Variants in MRTFB observed in about 807,000 individuals in gnomAD.
The protein encoded by MRTFB is myocardin related transcription factor B.
MRTFB carries 29 observed loss-of-function variants against 104.2 expected under a neutral mutation model. The ratio of observed to expected loss-of-function variants is 0.28; its 90% CI spans 0.21 to 0.38. The LOEUF is 0.38. Ranked by LOEUF, MRTFB falls within the 10% of genes least tolerant of loss-of-function variation. The probability of loss-of-function intolerance (pLI) is 1.00; values close to 1 mark genes in which losing one functional copy is unlikely to be tolerated. For missense variants in MRTFB, 1,270 were observed against 1,341.6 expected (o/e 0.95, Z 0.83); for synonymous variants, 535 against 519.5 (o/e 1.03, Z -0.41).
intron 2 of MRTFB, among the ~76,000 whole-genome samples, chr16:14,137,568 T>C (rs1024335459): frequency 4.6e-5 from 7 of 152,178 alleles, no homozygotes; most frequent in Non-Finnish European, 7.4e-5. Context: ...TTATTTTGTA[T>C]GAATAAATAA....
intron 2 of MRTFB, among the ~76,000 whole-genome samples, chr16:14,130,099 G>A (rs1352014553): frequency 1.3e-5 from 2 of 152,160 alleles, no homozygotes; most frequent in Non-Finnish European, 2.9e-5. Flanking sequence ...CCAAGGTGCT[G>A]GGATTACTGG....
At chr16:14,067,297 C>T (rs1484487429), upstream of MRTFB, among the ~76,000 whole-genome samples, 1 of 150,884 alleles carries the variant, frequency 6.6e-6, no homozygotes, top group Non-Finnish European at 1.5e-5. Flanking sequence ...TCTCTGCTCA[C>T]TGCCAGCCTC....
intron 3 of MRTFB, among the ~76,000 whole-genome samples, chr16:14,146,928 A>T (rs2038349162): frequency 6.6e-6 from 1 of 152,250 alleles, no homozygotes; most frequent in South Asian, 2.1e-4. Flanking sequence ...AAGCTGTCAT[A>T]GTGTCATAAA....
In MRTFB at chr16:14,218,815, T is replaced by C; in HGVS notation, c.515-5T>C. On this transcript the variant is annotated splice_region_variant and splice_polypyrimidine_tract_variant and intron_variant, in intron 7 of 16. Transcript: ENST00000571589. ...AGTCAAGTCAAAAATCATTTCTTTC[T>C]TTAGGCGTTGGGAAGGAGGACTATC... is the stretch of plus-strand genomic sequence containing the variant. 2.5e-6 allele frequency: 4 copies of C among 1,578,968 alleles called. No homozygotes were observed. The highest frequency in any genetic ancestry group is 3.5e-6 in the Non-Finnish European group (4 of 1,157,206).
chr16:14,226,027 G>A (rs16963566), intron 8 of MRTFB, among the ~76,000 whole-genome samples: 12,046 of 152,094 alleles, frequency 0.079, 1,088 homozygotes, highest in African/African-American at 0.22. Context: ...TTGGCCATGC[G>A]ACAGGCTATT....
At chr16:14,017,156 A>G in the MRTFB span, among the ~76,000 whole-genome samples, 1 of 147,844 alleles carries the variant, frequency 6.8e-6, no homozygotes, top group East Asian at 2.0e-4. Flanking sequence ...TCCCGGGTTC[A>G]CACCATTCTC....
At chr16:14,127,911 ATATATATATATATATATATT>A (rs1567355451) in intron 2 of MRTFB, among the ~76,000 whole-genome samples, 2 of 53,608 alleles carry the variant, frequency 3.7e-5, no homozygotes, top group African/African-American at 8.9e-5. Flanking sequence ...ATATATATAT[ATATATATATATATATATATT>A]TTTTTTTTTT....
At chr16:13,997,174 C>G in the MRTFB span, among the ~76,000 whole-genome samples, 1 of 152,218 alleles carries the variant, frequency 6.6e-6, no homozygotes, top group African/African-American at 2.4e-5. Context: ...CCCCACGTTC[C>G]CCTCTGCAGT....
intron 3 of MRTFB, among the ~76,000 whole-genome samples, chr16:14,208,552 C>T (rs1197761393): frequency 6.6e-6 from 1 of 152,204 alleles, no homozygotes; most frequent in Non-Finnish European, 1.5e-5. Flanking sequence ...CCAGAAGTAT[C>T]AACCTTTGAT....
At chr16:14,252,108 A>G in intron 14 of MRTFB, 85 bp downstream of exon 14, 1 of 1,443,904 alleles carries the variant, frequency 6.9e-7, no homozygotes. Flanking sequence ...GCTTGGAGTG[A>G]CTAATGTTAA....
chr16:14,155,860 T>G (rs2038807541), intron 3 of MRTFB, among the ~76,000 whole-genome samples: 1 of 152,216 alleles, frequency 6.6e-6, no homozygotes. Flanking sequence ...AGCTTAGCAC[T>G]CAGCAAAGAC....
At chr16:14,126,861 C>G (rs2037136260) in intron 2 of MRTFB, among the ~76,000 whole-genome samples, 1 of 152,176 alleles carries the variant, frequency 6.6e-6, no homozygotes, top group African/African-American at 2.4e-5. Flanking sequence ...CGAGATCTCT[C>G]CTGAAACAGG....
chr16:14,163,990 G>A (rs1365455317), intron 3 of MRTFB, among the ~76,000 whole-genome samples: 1 of 152,140 alleles, frequency 6.6e-6, no homozygotes, highest in Non-Finnish European at 1.5e-5. Context: ...AGAATGTGCA[G>A]TTACCAAGTC....
intron 2 of MRTFB, among the ~76,000 whole-genome samples, chr16:14,101,813 GT>G (rs1005758438): frequency 6.6e-6 from 1 of 151,954 alleles, no homozygotes; most frequent in Non-Finnish European, 1.5e-5. Context: ...CAAGTTCTGA[GT>G]TTTTTTAAAA....
At chr16:14,145,678 A>G (rs894867020) in intron 3 of MRTFB, among the ~76,000 whole-genome samples, 7 of 152,250 alleles carry the variant, frequency 4.6e-5, no homozygotes, top group Non-Finnish European at 1.0e-4. Flanking sequence ...AAATGGATAT[A>G]CAGAAACACA....
At chr16:14,250,630 A>G (rs1258352446) in intron 13 of MRTFB, among the ~76,000 whole-genome samples, 1 of 152,250 alleles carries the variant, frequency 6.6e-6, no homozygotes, top group African/African-American at 2.4e-5. Flanking sequence ...GCCAGGTAGT[A>G]AGAAGCTTAC....
At chr16:14,216,501 T>G (rs1372417117) in intron 6 of MRTFB, among the ~76,000 whole-genome samples, 1 of 152,180 alleles carries the variant, frequency 6.6e-6, no homozygotes, top group East Asian at 1.9e-4. Flanking sequence ...TTTTATGCAT[T>G]TGTAAGTAGA....
intron 3 of MRTFB, among the ~76,000 whole-genome samples, chr16:14,179,116 TTAG>T (rs368122767): frequency 1.1e-4 from 17 of 152,362 alleles, no homozygotes; most frequent in African/African-American, 3.8e-4. Flanking sequence ...CTCCTTGTAC[TTAG>T]TAGCACTTAT....
At chr16:14,065,571 C>T in the MRTFB span, among the ~76,000 whole-genome samples, 1 of 152,208 alleles carries the variant, frequency 6.6e-6, no homozygotes, top group Middle Eastern at 3.4e-3. Context: ...CTTTTGCCCA[C>T]TCAGTATGAT....
Sources: allele counts gnomAD v4.1 joint callset (sites outside exome capture counted in the v4.1 genomes callset), GRCh38; gene constraint gnomAD v4.1.1; transcripts MANE v1.5; gene names NCBI Gene and HGNC (gene_info 2026-07-23, HGNC 2026-07-21).